Variants in TUBGCP2 observed in about 807,000 individuals in gnomAD.
TUBGCP2 encodes the protein gamma-tubulin complex component 2.
In TUBGCP2, 55 loss-of-function variants were observed where a neutral mutation model predicts 92.2. The ratio of observed to expected loss-of-function variants is 0.60; its 90% CI spans 0.48 to 0.75. The LOEUF is 0.75. TUBGCP2 is among the 30% of genes least tolerant of loss of function. The pLI, the probability that TUBGCP2 is intolerant of heterozygous loss-of-function variation, is 0.00. For missense variants in TUBGCP2, 1,093 were observed against 1,188.9 expected (o/e 0.92, Z 1.19); for synonymous variants, 533 against 505.2 (o/e 1.06, Z -0.74).
At position 133,289,811 on chromosome 10, in the gene TUBGCP2, C is replaced by T. The variant is rs113340564; in HGVS notation, c.1360+13G>A. The T allele has an allele frequency of 6.2e-6, 10 of 1,613,016 alleles. No individual in the cohort carries two copies. The South Asian group carries it at 6.6e-5, about 11-fold the overall frequency. The stretch of plus-strand genomic sequence containing the variant: ...GTGCTGCGCACCCCAAGTCCCCGCC[C>T]GCTGCGCCGCACCTGTGCTGAGGAT... On this transcript the variant is annotated intron_variant, in intron 9 of 17. Coordinates refer to ENST00000252936, the MANE Select transcript of TUBGCP2 (RefSeq NM_006659.4).
At chr10:133,284,111 G>C (rs994514620) in intron 13 of TUBGCP2, 109 bp from the exon 14 acceptor site, 60 of 1,506,504 alleles carry the variant, frequency 4.0e-5, no homozygotes, top group Non-Finnish European at 5.2e-5. Flanking sequence ...CTCTGGACGT[G>C]GCTATTTCCT....
chr10:133,303,216 G>A (rs923943318), intron 1 of TUBGCP2, among the ~76,000 whole-genome samples: 15 of 149,858 alleles, frequency 1.0e-4, no homozygotes, highest in South Asian at 2.1e-4. Flanking sequence ...TCCTCTGGAC[G>A]GGACTGGGAT....
chr10:133,309,846 C>G (rs368516549), upstream of TUBGCP2: 13 of 1,613,658 alleles, frequency 8.1e-6, no homozygotes, highest in Non-Finnish European at 1.1e-5. Context: ...CTACGAGCAC[C>G]ACTACCACAC....
Position 133,292,680 on chromosome 10 carries a change from C to T in TUBGCP2, c.1033G>A (p.Val345Met), listed in dbSNP as rs567120644. The T allele has an allele frequency of 2.5e-6, 4 of 1,612,920 alleles. No individual in the cohort carries two copies. In the Admixed American group the frequency reaches 5.0e-5, roughly 20 times the overall value. ...CCCCCAAGACATTCGCCTTTGTCCA[C>T]CGAGGTGGCTGTGGGGAGAAAGGAG... ...MDILASLATSVDKGECLGGST... is the reference protein window; with the variant it reads ...MDILASLATSMDKGECLGGST... The change falls in exon 8 of 18, where the codon GTG (valine) becomes ATG (methionine). Residue 345 changes from valine (V) to methionine (M), a missense_variant. This residue lies in a region of TUBGCP2 where 490 missense variants were observed against 488.5 expected (regional missense o/e 1.00). Transcript: ENST00000252936.
rs1054847613 is a variant in TUBGCP2 at position 133,278,699 on chromosome 10, T to C, written c.*1067A>G. On this transcript the variant is annotated 3_prime_UTR_variant, in exon 18 of 18. Transcript: ENST00000252936. ...AGCCTGCAGACAAGGAGGAAGCGGT[T>C]TGTGGCTGGAGAGTTGGACACCCCC... is the stretch of plus-strand genomic sequence containing the variant. The C allele has an allele frequency of 2.0e-5, 3 of 152,392 alleles. No homozygotes were observed. Among genetic ancestry groups the C allele is most frequent in the Non-Finnish European group, 4.4e-5 (3 of 68,174 alleles). 9.4% of individuals were successfully genotyped at this position (152,392 alleles called of 1,614,324 possible).
intron 5 of TUBGCP2, chr10:133,295,242 T>C (rs1847462065): frequency 6.6e-6 from 1 of 151,194 alleles, no homozygotes; most frequent in Admixed American, 6.6e-5. Flanking sequence ...ACTCCAGGAG[T>C]TCAAGACCAG....
Position 133,279,004 on chromosome 10 carries a change from G to GT in TUBGCP2, c.*761dup, listed in dbSNP as rs1325893281. Reference sequence around the variant, plus strand: ...GGGCCCTGTCACACTGGGGATGGCGGTGCTGCCCACTGTAGCCCTGGAGGT... The same window carrying GT: ...GGGCCCTGTCACACTGGGGATGGCGGTTGCTGCCCACTGTAGCCCTGGAGGT... On this transcript the variant is annotated 3_prime_UTR_variant, in exon 18 of 18. Coordinates refer to ENST00000252936, the MANE Select transcript of TUBGCP2 (RefSeq NM_006659.4). The GT allele has an allele frequency of 6.6e-6, 1 of 152,306 alleles. No homozygotes were observed. The highest frequency in any genetic ancestry group is 2.4e-5 in the African/African-American group (1 of 41,448). 9.4% of individuals were successfully genotyped at this position (152,306 alleles called of 1,614,324 possible).
Position 133,293,783 on chromosome 10 carries a change from C to T in TUBGCP2, c.617-14G>A, listed in dbSNP as rs1295252501. 6.4e-7 allele frequency: 1 copy of T among 1,569,584 alleles called. No individual in the cohort carries two copies. Among genetic ancestry groups the T allele is most frequent in the Middle Eastern group, 1.7e-4 (1 of 5,918 alleles). ...GGGGCAACGTGCCTGCGGGCACAGA[C>T]AGCGCTGTGGCTCTGCAGCCCCCAC... is the stretch of plus-strand genomic sequence containing the variant. On this transcript the variant is annotated splice_polypyrimidine_tract_variant and intron_variant, in intron 5 of 17. Coordinates refer to ENST00000252936, the MANE Select transcript of TUBGCP2 (RefSeq NM_006659.4).
upstream of TUBGCP2, chr10:133,309,353 G>T (rs1053279587): frequency 6.3e-7 from 1 of 1,598,236 alleles, no homozygotes; most frequent in African/African-American, 1.3e-5. Flanking sequence ...CGTGCCGCGA[G>T]TCACCTGGCC....
chr10:133,298,567 G>A (rs139523865), intron 4 of TUBGCP2, among the ~76,000 whole-genome samples: 2 of 152,246 alleles, frequency 1.3e-5, no homozygotes, highest in African/African-American at 2.4e-5. Flanking sequence ...GGGCCCCAGC[G>A]TGACAGGATG....
chr10:133,284,020 C>T lies in TUBGCP2; in HGVS notation c.2025-18G>A, dbSNP rs375229846. On this transcript the variant is annotated intron_variant, in intron 13 of 17. Coordinates refer to ENST00000252936, the MANE Select transcript of TUBGCP2 (RefSeq NM_006659.4). ...CAGCAAACCTGAGTGACACGGAGGA[C>T]GGAGGACAGCCATGGAGGACGCGGC... 1.4e-5 allele frequency: 22 copies of T among 1,611,688 alleles called. No individual in the cohort carries two copies. The highest frequency in any genetic ancestry group is 1.1e-5 in the South Asian group (1 of 90,942).
In TUBGCP2 at chr10:133,299,971, G is replaced by A. The variant is rs761218271; in HGVS notation, c.279+14C>T. 2 of 1,613,328 alleles carry A rather than the reference G, an allele frequency of 1.2e-6. No individual in the cohort carries two copies. The highest frequency in any genetic ancestry group is 1.7e-6 in the Non-Finnish European group (2 of 1,179,474). On this transcript the variant is annotated intron_variant, in intron 3 of 17. Coordinates refer to ENST00000252936, the MANE Select transcript of TUBGCP2 (RefSeq NM_006659.4). The stretch of plus-strand genomic sequence containing the variant: ...CCGTACGGGCGCAGTGTGGCACGTG[G>A]CATGGGCACCTACCTCTTTGTCTTC...
Position 133,285,005 on chromosome 10 carries a change from C to A in TUBGCP2, c.2024+80G>T, listed in dbSNP as rs1847093626. On this transcript the variant is annotated intron_variant, in intron 13 of 17. Transcript: ENST00000252936. This position sits in a 1 kb window ranked among gnomAD's most constrained non-coding sequence, Gnocchi z 6.8. ...TAGAAAGCTGTCTACCAGGAGGGCA[C>A]AAGGGGGGCGCTGCACCACTGGGCA... The A allele has an allele frequency of 1.3e-6, 2 of 1,512,006 alleles. No homozygotes were observed. Among genetic ancestry groups the A allele is most frequent in the Admixed American group, 2.0e-5 (1 of 48,966 alleles). 93.7% of individuals were successfully genotyped at this position (1,512,006 alleles called of 1,614,324 possible).
chr10:133,283,890 G>C lies in TUBGCP2; in HGVS notation c.2137C>G (p.Leu713Val). The change falls in exon 14 of 18, where the codon CTG (leucine) becomes GTG (valine). Residue 713 changes from leucine (L) to valine (V), a missense_variant. Leu to Val is a conservative substitution (Grantham distance 32, BLOSUM62 1). Around this residue, in one of 3 missense-constraint regions of TUBGCP2, gnomAD observed 598 missense variants for 675.5 expected, o/e 0.89. Coordinates refer to ENST00000252936, the MANE Select transcript of TUBGCP2 (RefSeq NM_006659.4). ...GTGGAGCTAAAACTCACGGATTTCA[G>C]GTTTTTCTCCAGGATGTGCCAGGTC... is the stretch of plus-strand genomic sequence containing the variant. ...EPTWHILEKN[L>V]KSASNIDDVL... 2 of 1,613,964 alleles carry C rather than the reference G, an allele frequency of 1.2e-6. No individual in the cohort carries two copies. Among genetic ancestry groups the C allele is most frequent in the Non-Finnish European group, 1.7e-6 (2 of 1,179,930 alleles).
chr10:133,283,365 C>A, intron 14 of TUBGCP2, 144 bp from the exon 15 acceptor site: 1 of 1,179,508 alleles, frequency 8.5e-7, no homozygotes, highest in Non-Finnish European at 1.2e-6. Context: ...TAGGGGAAAA[C>A]TTCCAAACAC....
rs770538888 is a variant in TUBGCP2, at chr10:133,302,917, C to T, written c.25G>A (p.Asp9Asn). The T allele has an allele frequency of 3.7e-6, 6 of 1,613,948 alleles. No homozygotes were observed. The highest frequency in any genetic ancestry group is 1.1e-5 in the South Asian group (1 of 91,096). Residue 9 changes from aspartate (D) to asparagine (N), a missense_variant, in exon 2 of 18, where the codon GAC becomes AAC. This residue lies in a region of TUBGCP2 where 490 missense variants were observed against 488.5 expected (regional missense o/e 1.00). Transcript: ENST00000252936. Reference protein sequence around the residue: MSEFRIHHDVNELLSLLRV... With the variant: MSEFRIHHNVNELLSLLRV... ...AGCAGGCTAAGCAGTTCATTGACGT[C>T]ATGGTGAATCCGAAATTCACTCATA... is the stretch of plus-strand genomic sequence containing the variant.
At chr10:133,309,971 G>A (rs1847951194), upstream of TUBGCP2, 3 of 1,612,772 alleles carry the variant, frequency 1.9e-6, no homozygotes, top group Non-Finnish European at 2.5e-6. Context: ...CTGAGAGGCA[G>A]GACATGGTGG....
chr10:133,310,008 A>AC (rs750521567), upstream of TUBGCP2: 5 of 1,611,010 alleles, frequency 3.1e-6, no homozygotes, highest in East Asian at 2.2e-5. Flanking sequence ...CGCCGAGGCC[A>AC]CCCCCCATTG....
rs1483309664 is a variant in TUBGCP2 at position 133,283,714 on chromosome 10, TGCCTCTCC to T, written c.2145+160_2145+167del. Among the ~76,000 whole-genome samples the T allele has an allele frequency of 1.4e-3, 104 of 73,104 alleles. 1 individual carries two copies. Among genetic ancestry groups the T allele is most frequent in the African/African-American group, 3.4e-3 (91 of 27,094 alleles). The allele number at this position is 73,104 out of a possible 152,430, so 48.0% of individuals were successfully genotyped here. A position where few individuals can be genotyped will look rare whatever the true frequency, so the allele number is the denominator to read the frequency against. On this transcript the variant is annotated intron_variant, in intron 14 of 17. Transcript: ENST00000252936. ...CATTCCCTGCCTCTCCCGCACGCCC[TGCCTCTCC>T]CGCACTCCCTGCCTCTCCTGCACTC...
Sources: allele counts gnomAD v4.1 joint callset (sites outside exome capture counted in the v4.1 genomes callset), GRCh38; gene constraint gnomAD v4.1.1; regional missense constraint gnomAD v4.1.1; non-coding constraint Gnocchi (gnomAD v3.1); transcripts MANE v1.5; gene names NCBI Gene and HGNC (gene_info 2026-07-23, HGNC 2026-07-21).